TCF25: variants seen among roughly 807,000 people sequenced by gnomAD.
TCF25 encodes the protein ribosome quality control complex subunit TCF25.
TCF25 carries 41 observed loss-of-function variants against 83.1 expected under a neutral mutation model. The ratio of observed to expected loss-of-function variants is 0.49; its 90% CI spans 0.38 to 0.64. The LOEUF is 0.64. Ranked by LOEUF, TCF25 falls within the 30% of genes least tolerant of loss-of-function variation. TCF25 has a pLI of 0.00. For missense variants in TCF25, 979 were observed against 914.5 expected (o/e 1.07, Z -0.91); for synonymous variants, 458 against 365.0 (o/e 1.25, Z -2.90).
chr16:89,886,392 C>T (rs1174219872), intron 4 of TCF25, among the ~76,000 whole-genome samples: 1 of 152,034 alleles, frequency 6.6e-6, no homozygotes, highest in Non-Finnish European at 1.5e-5. Context: ...TGTGCCACTG[C>T]ACTCCAGCCT....
chr16:89,876,259 C>CT (rs1253951744), intron 1 of TCF25, among the ~76,000 whole-genome samples: 1 of 152,062 alleles, frequency 6.6e-6, no homozygotes, highest in Admixed American at 6.6e-5. Context: ...GCATTCCATA[C>CT]TTTTTTGCTC....
At chr16:89,883,756 G>A (rs1294748781) in intron 2 of TCF25, 5 of 470,440 alleles carry the variant, frequency 1.1e-5, no homozygotes, top group East Asian at 3.5e-5. Flanking sequence ...GTATGTAACC[G>A]CACACGTGTG....
chr16:89,898,809 C>T lies in TCF25; in HGVS notation c.1158C>T (p.Ile386=), dbSNP rs774329898. 14 of 1,613,826 alleles carry T rather than the reference C, an allele frequency of 8.7e-6. No individual in the cohort carries two copies. The highest frequency in any genetic ancestry group is 1.7e-5 in the Admixed American group (1 of 60,014). Residue 386 remains isoleucine (I), a synonymous_variant, in exon 11 of 18, where the codon ATC becomes ATT. Coordinates refer to ENST00000263346, the MANE Select transcript of TCF25 (RefSeq NM_014972.3). ...ACCCCCTCTGCATGCTGCTGCTCATCGACCACCTGGCCTTGCGGGCCCGGA... is the reference window on the plus strand; with the variant it reads ...ACCCCCTCTGCATGCTGCTGCTCATTGACCACCTGGCCTTGCGGGCCCGGA... ...DEDPLCMLLL[I]DHLALRARNY...
chr16:89,906,474 G>C (rs554228665), intron 15 of TCF25, among the ~76,000 whole-genome samples, 190 bp downstream of exon 15: 1 of 152,274 alleles, frequency 6.6e-6, no homozygotes, highest in Admixed American at 6.5e-5. Context: ...GATGCTTGTT[G>C]TTTTGAGAGA....
intron 1 of TCF25, chr16:89,878,487 T>C (rs1304899647): frequency 2.0e-6 from 2 of 1,009,508 alleles, no homozygotes; most frequent in African/African-American, 1.8e-5. Flanking sequence ...CCTCTCCCCC[T>C]AAAAAAAGAT....
intron 9 of TCF25, 50 bp downstream of exon 9, chr16:89,896,133 C>T (rs368504400): frequency 3.0e-5 from 47 of 1,570,974 alleles, no homozygotes; most frequent in East Asian, 4.6e-5. Context: ...CCTTCTCCTG[C>T]GAGTGAGGCT....
In TCF25 at chr16:89,885,831, T is replaced by A. The variant is rs746073595; in HGVS notation, c.430-17T>A. 8.2e-6 allele frequency: 13 copies of A among 1,585,844 alleles called. No homozygotes were observed. The highest frequency in any genetic ancestry group is 1.0e-5 in the Non-Finnish European group (12 of 1,155,050). On this transcript the variant is annotated splice_polypyrimidine_tract_variant and intron_variant, in intron 3 of 17. Coordinates refer to ENST00000263346, the MANE Select transcript of TCF25 (RefSeq NM_014972.3). ...AATGTCAGTGTGGTGATTAAGAGGT[T>A]GTTTTGGGGCTTTTAGGAAAACGGA...
rs1205991952 is a variant in TCF25, at chr16:89,873,749, C to A, written c.82C>A (p.Leu28Ile). The A allele has an allele frequency of 9.3e-6, 15 of 1,611,336 alleles. No individual in the cohort carries two copies. The highest frequency in any genetic ancestry group is 1.3e-5 in the Non-Finnish European group (15 of 1,179,416). Residue 28 changes from leucine (L) to isoleucine (I), a missense_variant, in exon 1 of 18, where the codon CTC becomes ATC. By Grantham distance (5) the Leu-to-Ile change is conservative (BLOSUM62 2). Coordinates refer to ENST00000263346, the MANE Select transcript of TCF25 (RefSeq NM_014972.3). ...PLGPGALHFD[L>I]RDDDDAEEEG... ...CGGGCCCGGCGCCTTGCATTTCGAT[C>A]TCCGTGATGACGATGACGCGGAAGA...
chr16:89,907,214 G>A (rs1413909329), intron 15 of TCF25, 29 bp from the exon 16 acceptor site: 1 of 1,610,622 alleles, frequency 6.2e-7, no homozygotes, highest in East Asian at 2.2e-5. Flanking sequence ...AGCATCTGTA[G>A]CATCTTCGTT....
In TCF25 at chr16:89,884,835, T is replaced by C. The variant is rs868206907; in HGVS notation, c.429+179T>C. 6.3e-3 allele frequency among the ~76,000 whole-genome samples: 456 copies of C among 72,196 alleles called. 17 individuals are homozygous for C. The highest frequency in any genetic ancestry group is 8.1e-3 in the Non-Finnish European group (350 of 43,046). The allele number at this position is 72,196 out of a possible 152,430, so 47.4% of individuals were successfully genotyped here. ...CTCTGCCTGACGCCCTCTCCCTCTG[T>C]CTGACGCCCTCCGTCTGCCTGACGC... On this transcript the variant is annotated intron_variant, in intron 3 of 17. Transcript: ENST00000263346.
chr16:89,901,272 C>T (rs914014315), intron 12 of TCF25, among the ~76,000 whole-genome samples: 12 of 152,262 alleles, frequency 7.9e-5, no homozygotes, highest in Admixed American at 5.9e-4. Flanking sequence ...GCACATGTGG[C>T]GGGCACAGTG....
intron 12 of TCF25, 98 bp downstream of exon 12, chr16:89,900,892 C>A: frequency 7.6e-7 from 1 of 1,307,966 alleles, no homozygotes; most frequent in Non-Finnish European, 1.0e-6. Flanking sequence ...AGTCCTTCCC[C>A]ACACTTGTAG....
At chr16:89,884,948 C>G (rs1184276563) in intron 3 of TCF25, among the ~76,000 whole-genome samples, 4 of 100,194 alleles carry the variant, frequency 4.0e-5, no homozygotes, top group Non-Finnish European at 7.9e-5. Flanking sequence ...GACGCCCTCT[C>G]CCTCTGCCTG....
intron 9 of TCF25, among the ~76,000 whole-genome samples, chr16:89,897,564 T>C (rs898390252): frequency 7.2e-5 from 11 of 152,256 alleles, no homozygotes; most frequent in African/African-American, 2.7e-4. Flanking sequence ...GTTTTCTTTA[T>C]GTTAGTTTTG....
chr16:89,897,366 G>A (rs1028093800), intron 9 of TCF25, among the ~76,000 whole-genome samples: 1 of 152,230 alleles, frequency 6.6e-6, no homozygotes. Flanking sequence ...GCCCTTTGTG[G>A]AGCAGACCAG....
At chr16:89,906,100 C>T (rs1009418382) in intron 14 of TCF25, 94 bp from the exon 15 acceptor site, 9 of 1,076,610 alleles carry the variant, frequency 8.4e-6, no homozygotes, top group African/African-American at 6.4e-5. Flanking sequence ...CGAGATGCCT[C>T]GTGCTGGGTG....
intron 1 of TCF25, among the ~76,000 whole-genome samples, chr16:89,878,948 A>G (rs1185047616): frequency 1.3e-5 from 2 of 152,212 alleles, no homozygotes; most frequent in African/African-American, 4.8e-5. Context: ...GCCAGTAATA[A>G]GGTTTGTCTG....
intron 6 of TCF25, among the ~76,000 whole-genome samples, chr16:89,893,365 C>T (rs1372127770): frequency 1.3e-5 from 2 of 152,214 alleles, no homozygotes; most frequent in South Asian, 2.1e-4. Flanking sequence ...ACATTCTCCT[C>T]AATCAGACGT....
At chr16:89,879,318 G>T (rs1442456091) in intron 1 of TCF25, among the ~76,000 whole-genome samples, 2 of 145,232 alleles carry the variant, frequency 1.4e-5, no homozygotes. Flanking sequence ...CCTGTCACAC[G>T]TGCTGTTCGT....
Sources: allele counts gnomAD v4.1 joint callset (sites outside exome capture counted in the v4.1 genomes callset), GRCh38; gene constraint gnomAD v4.1.1; transcripts MANE v1.5; gene names NCBI Gene and HGNC (gene_info 2026-07-23, HGNC 2026-07-21).